CDK18: variants seen among roughly 807,000 people sequenced by gnomAD.
CDK18 encodes the protein cyclin dependent kinase 18.
In CDK18, 52 loss-of-function variants were observed where a neutral mutation model predicts 62.0. The ratio of observed to expected loss-of-function variants is 0.84; its 90% CI spans 0.67 to 1.06. CDK18 has a LOEUF of 1.06. Ranked by LOEUF, CDK18 falls within the 50% of genes least tolerant of loss-of-function variation. The pLI is 0.00. For synonymous variants in CDK18, 237 were observed against 247.0 expected, an observed-to-expected ratio of 0.96 and a Z score of 0.38; for missense variants, 604 against 619.9, an observed-to-expected ratio of 0.97 and a Z score of 0.27.
chr1:205,522,951 G>C (rs1240752371), intron 1 of CDK18, 196 bp from the exon 2 acceptor site: 2 of 574,158 alleles, frequency 3.5e-6, no homozygotes, highest in Non-Finnish European at 6.1e-6. Context: ...CTGGGAGGAA[G>C]AAGGTGACTG....
rs140738751 is a variant in CDK18 at position 205,521,273 on chromosome 1, G to A, written c.-21-1874G>A. Among the ~76,000 whole-genome samples, 16 of 152,292 alleles carry A rather than the reference G, an allele frequency of 1.1e-4. No individual in the cohort carries two copies. In the East Asian group the frequency reaches 2.1e-3, roughly 20 times the overall value. On this transcript the variant is annotated intron_variant, in intron 1 of 15. Transcript: ENST00000429964. ...GTCGCCCAGGCAGGAGTGCAATGGC[G>A]CAATCTCCACTCACTGCAACCTCCG...
chr1:205,524,968 C>T (rs1157683906), intron 4 of CDK18, among the ~76,000 whole-genome samples, 171 bp from the exon 5 acceptor site: 3 of 152,192 alleles, frequency 2.0e-5, no homozygotes, highest in Non-Finnish European at 2.9e-5. Context: ...GAGGAAGAAA[C>T]TCACACTTTC....
At chr1:205,525,836 G>A (rs1267525978) in intron 5 of CDK18, among the ~76,000 whole-genome samples, 1 of 152,184 alleles carries the variant, frequency 6.6e-6, no homozygotes, top group Non-Finnish European at 1.5e-5. Flanking sequence ...ATCATAGACG[G>A]GCACGCGGCG....
intron 4 of CDK18, 58 bp from the exon 5 acceptor site, chr1:205,525,081 T>C (rs1383371744): frequency 2.5e-6 from 3 of 1,220,256 alleles, no homozygotes; most frequent in African/African-American, 3.0e-5. Flanking sequence ...GGAGGCGTCA[T>C]GTCTGTGGAG....
chr1:205,508,496 C>T (rs1056849418), intron 1 of CDK18, among the ~76,000 whole-genome samples: 10 of 152,324 alleles, frequency 6.6e-5, no homozygotes, highest in East Asian at 1.9e-4. Context: ...GGCGCATCTC[C>T]GCCAGACCTC....
chr1:205,524,385 A>C, intron 4 of CDK18, 28 bp downstream of exon 4: 1 of 1,613,616 alleles, frequency 6.2e-7, no homozygotes, highest in Non-Finnish European at 8.5e-7. Flanking sequence ...CAGAGGACAC[A>C]AGGTGGGGTG....
intron 1 of CDK18, among the ~76,000 whole-genome samples, chr1:205,509,749 G>A (rs1326734686): frequency 6.6e-6 from 1 of 152,056 alleles, no homozygotes; most frequent in Admixed American, 6.6e-5. Flanking sequence ...GCAAACATCA[G>A]GGATCAGCCC....
rs1668548807 is a variant in CDK18, at chr1:205,528,354, T to C, written c.974+186T>C. 6.6e-6 allele frequency among the ~76,000 whole-genome samples: 1 copy of C among 152,142 alleles called. No individual in the cohort carries two copies. The highest frequency in any genetic ancestry group is 2.1e-4 in the South Asian group (1 of 4,826). ...GAAATATAATAGGTTAGGGTTTCCCTGGCTTAAATAGACCCCCAAGCCTGT... is the reference window on the plus strand; with the variant it reads ...GAAATATAATAGGTTAGGGTTTCCCCGGCTTAAATAGACCCCCAAGCCTGT... On this transcript the variant is annotated intron_variant, in intron 10 of 15. Coordinates refer to ENST00000429964, the MANE Select transcript of CDK18 (RefSeq NM_212502.3). The surrounding 1 kb of genome is among the most constrained non-coding windows in gnomAD (Gnocchi z 4.2).
At chr1:205,505,918 C>T (rs886237033) in intron 1 of CDK18, among the ~76,000 whole-genome samples, 4 of 152,298 alleles carry the variant, frequency 2.6e-5, no homozygotes, top group South Asian at 2.1e-4. Context: ...GCCCAGCCCT[C>T]GGCAGTTCCC....
Position 205,531,637 on chromosome 1 carries a change from GA to G in CDK18, c.*260del, listed in dbSNP as rs374234547. The G allele has an allele frequency of 1.4e-3, 691 of 504,632 alleles. 9 individuals carry two copies. The highest frequency in any genetic ancestry group is 9.7e-3 in the South Asian group (467 of 48,272). The allele number at this position is 504,632 out of a possible 1,614,324, so 31.3% of individuals were successfully genotyped here. A position where few individuals can be genotyped will look rare whatever the true frequency, so the allele number is the denominator to read the frequency against. On this transcript the variant is annotated 3_prime_UTR_variant, in exon 16 of 16. Transcript: ENST00000429964. Reference sequence around the variant, plus strand: ...ATAAGCTGCTTCCCTGAGAGGACATGAGGGGGGGGCGGTCCTCGTACCCTCT... The same window carrying G: ...ATAAGCTGCTTCCCTGAGAGGACATGGGGGGGGGCGGTCCTCGTACCCTCT...
Position 205,517,675 on chromosome 1 carries a change from A to G in CDK18, c.-21-5472A>G, listed in dbSNP as rs1448919104. 1.3e-5 allele frequency among the ~76,000 whole-genome samples: 2 copies of G among 151,784 alleles called. No individual in the cohort carries two copies. The highest frequency in any genetic ancestry group is 1.5e-5 in the Non-Finnish European group (1 of 67,966). ...ATGCTTGACTCTTTTCTCACCCACA[A>G]CATACAATCCATCTGCAGAGCTCTT... is the stretch of plus-strand genomic sequence containing the variant. On this transcript the variant is annotated intron_variant, in intron 1 of 15. Transcript: ENST00000429964. The surrounding 1 kb of genome is among the most constrained non-coding windows in gnomAD (Gnocchi z 4.1).
chr1:205,513,734 A>C (rs1211840742), intron 1 of CDK18, among the ~76,000 whole-genome samples: 1 of 152,090 alleles, frequency 6.6e-6, no homozygotes, highest in Non-Finnish European at 1.5e-5. Context: ...GCCCCTCCGA[A>C]CCCCTTCCCC....
intron 1 of CDK18, among the ~76,000 whole-genome samples, chr1:205,518,983 A>G (rs1369874962): frequency 3.3e-5 from 5 of 152,024 alleles, no homozygotes. Context: ...TGCTCCTTCA[A>G]CTTCCTCCAC....
rs2102313094 is a variant in CDK18, at chr1:205,526,383, C to T, written c.588C>T (p.Asn196=). 1 of 1,614,072 alleles carries T rather than the reference C, an allele frequency of 6.2e-7. No individual in the cohort carries two copies. Among genetic ancestry groups the T allele is most frequent in the South Asian group, 1.1e-5 (1 of 91,084 alleles). Residue 196 remains asparagine (N), a synonymous_variant, in exon 7 of 16, where the codon AAC becomes AAT. Transcript: ENST00000429964. ...TAIREVSLLK[N]LKHANIVTLH... ...TCCTCACAGTGTCTCTGCTGAAGAA[C>T]CTGAAGCACGCCAATATTGTGACCC...
At position 205,516,320 on chromosome 1, in the gene CDK18, G is replaced by A. The variant is rs905536360; in HGVS notation, c.-21-6827G>A. Reference sequence around the variant, plus strand: ...CAAGGGCCAAAGTGGCTGAGTGACCGAGGCAGGGGCAGGGACTGGGAGATA... The same window carrying A: ...CAAGGGCCAAAGTGGCTGAGTGACCAAGGCAGGGGCAGGGACTGGGAGATA... On this transcript the variant is annotated intron_variant, in intron 1 of 15. Transcript: ENST00000429964. The surrounding 1 kb of genome is among the most constrained non-coding windows in gnomAD (Gnocchi z 4.8). Among the ~76,000 whole-genome samples the A allele has an allele frequency of 4.6e-5, 7 of 151,950 alleles. No individual in the cohort carries two copies. Among genetic ancestry groups the A allele is most frequent in the Non-Finnish European group, 1.0e-4 (7 of 67,956 alleles).
rs201286969 is a variant in CDK18, at chr1:205,529,519, A to G, written c.1179-2A>G. The G allele has an allele frequency of 5.4e-5, 87 of 1,610,508 alleles. No homozygotes were observed. The highest frequency in any genetic ancestry group is 7.1e-5 in the Non-Finnish European group (84 of 1,177,822). ...GCCTGTGTCCGCGCCTTCTCCTTGCAGGTTGGATACGGATGGCATCCACCT... is the reference window on the plus strand; with the variant it reads ...GCCTGTGTCCGCGCCTTCTCCTTGCGGGTTGGATACGGATGGCATCCACCT... On this transcript the variant is annotated splice_acceptor_variant, in intron 12 of 15. Coordinates refer to ENST00000429964, the MANE Select transcript of CDK18 (RefSeq NM_212502.3). LOFTEE classifies it high-confidence loss of function.
chr1:205,523,433 T>G, intron 2 of CDK18, 50 bp from the exon 3 acceptor site: 1 of 1,596,952 alleles, frequency 6.3e-7, no homozygotes, highest in Non-Finnish European at 8.5e-7. Context: ...TACCCTTCTC[T>G]CCCTCAGGAC....
chr1:205,531,880 A>T lies in CDK18; in HGVS notation c.*502A>T. The T allele has an allele frequency of 5.8e-6, 1 of 171,644 alleles. No homozygotes were observed. 10.6% of individuals were successfully genotyped at this position (171,644 alleles called of 1,614,324 possible). A position where few individuals can be genotyped will look rare whatever the true frequency, so the allele number is the denominator to read the frequency against. Reference sequence around the variant, plus strand: ...GAAGAGACATGGCATGTTCTCTGGGACCCTGGAATCCTAGGTACCCACATG... The same window carrying T: ...GAAGAGACATGGCATGTTCTCTGGGTCCCTGGAATCCTAGGTACCCACATG... On this transcript the variant is annotated 3_prime_UTR_variant, in exon 16 of 16. Coordinates refer to ENST00000429964, the MANE Select transcript of CDK18 (RefSeq NM_212502.3).
intron 1 of CDK18, among the ~76,000 whole-genome samples, chr1:205,515,799 G>A (rs1465150043): frequency 6.6e-6 from 1 of 152,178 alleles, no homozygotes; most frequent in Non-Finnish European, 1.5e-5. Flanking sequence ...TTTGCCTCCT[G>A]AGCAGACATC....
Sources: gnomAD v4.1 joint callset for allele counts (sites outside exome capture counted in the v4.1 genomes callset) on GRCh38, gnomAD v4.1.1 for gene constraint, Gnocchi (gnomAD v3.1) non-coding constraint, MANE v1.5 for transcripts, NCBI Gene and HGNC (gene_info 2026-07-23, HGNC 2026-07-21) for gene names.